POLA1: variants seen among roughly 807,000 people sequenced by gnomAD.
POLA1 encodes the protein DNA polymerase alpha catalytic subunit.
A neutral mutation model predicts 124.0 loss-of-function variants in POLA1; 15 were observed. The ratio of observed to expected loss-of-function variants is 0.12; its 90% CI spans 0.08 to 0.19. The LOEUF is 0.19. Ranked by LOEUF, POLA1 falls within the 10% of genes least tolerant of loss-of-function variation. The pLI is 1.00. For missense variants in POLA1, 886 were observed against 1,103.4 expected (o/e 0.80, Z 2.79); for synonymous variants, 408 against 389.4 (o/e 1.05, Z -0.56).
In POLA1 at chrX:24,821,534, G is replaced by A. The variant is rs754477977; in HGVS notation, c.3512G>A (p.Gly1171Glu). The A allele has an allele frequency of 8.3e-7, 1 of 1,199,635 alleles. No individual in the cohort carries two copies. Among genetic ancestry groups the A allele is most frequent in the Non-Finnish European group, 1.1e-6 (1 of 886,070 alleles). The change falls in exon 31 of 37, where the codon GGA (glycine) becomes GAA (glutamate). Residue 1171 changes from glycine to glutamate, a missense_variant. By Grantham distance (98) the Gly-to-Glu change is moderately conservative. Transcript: ENST00000379068. ...GTTGCCCTCTGGATAAATTCTCAAGGAGGCAGAAAGGTGAAAGCTGGAGAT... is the reference window on the plus strand; with the variant it reads ...GTTGCCCTCTGGATAAATTCTCAAGAAGGCAGAAAGGTGAAAGCTGGAGAT... Reference protein sequence around the residue: ...VHVALWINSQGGRKVKAGDTV... With the variant: ...VHVALWINSQEGRKVKAGDTV...
chrX:24,832,747 G>A (rs2046282716), intron 32 of POLA1, among the ~76,000 whole-genome samples: 1 of 111,855 alleles, frequency 8.9e-6, no homozygotes, highest in Non-Finnish European at 1.9e-5. Context: ...CACGTACACT[G>A]TATTATATAT....
chrX:24,922,097 A>G (rs1324543384), intron 35 of POLA1, among the ~76,000 whole-genome samples: 1 of 110,848 alleles, frequency 9.0e-6, no homozygotes, highest in Admixed American at 9.6e-5. Flanking sequence ...TTTTTGAGAC[A>G]GGATCTGTTT....
chrX:24,979,862 T>C (rs1002090049), intron 36 of POLA1, among the ~76,000 whole-genome samples: 2 of 112,010 alleles, frequency 1.8e-5, no homozygotes, highest in Non-Finnish European at 3.8e-5. Flanking sequence ...CCTCTGTGTT[T>C]AGGTGAAAAG....
rs1370486222 is a variant in POLA1 at position 24,723,278 on chromosome X, G to A, written c.1200+11G>A. The A allele has an allele frequency of 2.8e-6, 3 of 1,067,797 alleles. No homozygotes were observed. The highest frequency in any genetic ancestry group is 2.5e-4 in the Middle Eastern group (1 of 4,026). The allele number at this position is 1,067,797 out of a possible 1,213,427, so 88.0% of individuals were successfully genotyped here. A position where few individuals can be genotyped will look rare whatever the true frequency, so the allele number is the denominator to read the frequency against. ...CTTCCCCGTGAAATGGTAAACATTA[G>A]TGATTAGCTTTTAGTTCTCAGTCGT... On this transcript the variant is annotated intron_variant, in intron 11 of 36. Transcript: ENST00000379068.
At chrX:24,708,094 T>C (rs968309440) in intron 4 of POLA1, among the ~76,000 whole-genome samples, 1 of 112,029 alleles carries the variant, frequency 8.9e-6, no homozygotes, top group Admixed American at 9.4e-5. Flanking sequence ...GAATTCCACC[T>C]CAAATATTTA....
chrX:24,802,794 TC>T (rs1165923427), intron 26 of POLA1, among the ~76,000 whole-genome samples: 2 of 111,682 alleles, frequency 1.8e-5, no homozygotes, highest in Non-Finnish European at 3.8e-5. Context: ...GGTCGGGAGT[TC>T]CAGGCCAACC....
In POLA1 at chrX:24,809,882, CT is replaced by C; in HGVS notation, c.2965-12del. ...TAATTGTGTAACTTATTAATCTTGA[CT>C]TTTGTTTCATTTAGATTTTGATGCA... On this transcript the variant is annotated splice_polypyrimidine_tract_variant and intron_variant, in intron 26 of 36. Coordinates refer to ENST00000379068, the MANE Select transcript of POLA1 (RefSeq NM_001330360.2). The C allele has an allele frequency of 9.8e-7, 1 of 1,022,398 alleles. No homozygotes were observed. The highest frequency in any genetic ancestry group is 1.4e-6 in the Non-Finnish European group (1 of 738,608). 84.3% of individuals were successfully genotyped at this position (1,022,398 alleles called of 1,213,427 possible).
At chrX:24,931,556 A>T (rs1193549308) in intron 36 of POLA1, among the ~76,000 whole-genome samples, 1 of 112,090 alleles carries the variant, frequency 8.9e-6, no homozygotes, top group Non-Finnish European at 1.9e-5. Context: ...TTTACAACTG[A>T]TGGAGAAGCT....
chrX:24,909,574 T>C (rs1214077115), intron 35 of POLA1, among the ~76,000 whole-genome samples: 3 of 110,668 alleles, frequency 2.7e-5, no homozygotes, highest in African/African-American at 9.8e-5. Flanking sequence ...CTGAGGGCTC[T>C]GTTCTGTTCC....
chrX:24,712,943 C>T (rs527419882), intron 4 of POLA1, among the ~76,000 whole-genome samples: 4 of 111,725 alleles, frequency 3.6e-5, no homozygotes, highest in African/African-American at 1.3e-4. Context: ...TATGCCACTA[C>T]CACATTCTTA....
At position 24,741,490 on chromosome X, in the gene POLA1, G is replaced by T; in HGVS notation, c.2332G>T (p.Ala778Ser). Residue 778 changes from alanine to serine, a missense_variant, in exon 21 of 37, where the codon GCT becomes TCT. By Grantham distance (99) the Ala-to-Ser change is moderately conservative. This residue lies in a region of POLA1 where 182 missense variants were observed against 252.8 expected (regional missense o/e 0.72). Transcript: ENST00000379068. ...LPLALQITNIAGNIMSRTLMG... is the reference protein window; with the variant it reads ...LPLALQITNISGNIMSRTLMG... Reference sequence around the variant, plus strand: ...ATTAGCATTGCAGATCACTAACATCGCTGGGAACATTATGGTAAATTTAAC... The same window carrying T: ...ATTAGCATTGCAGATCACTAACATCTCTGGGAACATTATGGTAAATTTAAC... The T allele has an allele frequency of 1.7e-6, 2 of 1,204,430 alleles. No individual in the cohort carries two copies. The highest frequency in any genetic ancestry group is 2.2e-6 in the Non-Finnish European group (2 of 889,744).
intron 35 of POLA1, among the ~76,000 whole-genome samples, chrX:24,895,524 G>T (rs144437182): frequency 2.7e-5 from 3 of 112,327 alleles, no homozygotes; most frequent in Admixed American, 9.4e-5. Flanking sequence ...CTTGCATTTC[G>T]TGGGCTAGAA....
intron 36 of POLA1, among the ~76,000 whole-genome samples, chrX:24,968,997 A>G (rs758774251): frequency 9.0e-6 from 1 of 111,299 alleles, no homozygotes; most frequent in South Asian, 3.8e-4. Flanking sequence ...TCACGAGGTC[A>G]GGAGTTCTAG....
intron 23 of POLA1, 52 bp from the exon 24 acceptor site, chrX:24,745,366 T>G (rs1931945130): frequency 1.0e-6 from 1 of 960,200 alleles, no homozygotes; most frequent in Admixed American, 2.9e-5. Context: ...AATGATGTTT[T>G]GACAATTCTG....
At chrX:24,801,584 C>T (rs1038070316) in intron 26 of POLA1, among the ~76,000 whole-genome samples, 1 of 110,623 alleles carries the variant, frequency 9.0e-6, no homozygotes, top group African/African-American at 3.3e-5. Flanking sequence ...TAATATCATT[C>T]GGTTGGGGAG....
Position 24,815,077 on chromosome X carries a change from G to T in POLA1, c.3395G>T (p.Gly1132Val). 8.3e-7 allele frequency: 1 copy of T among 1,204,196 alleles called. No homozygotes were observed. Among genetic ancestry groups the T allele is most frequent in the South Asian group, 1.8e-5 (1 of 56,272 alleles). ...GAAATTGGAGAAAATGTGCTAAATGGCAGTGTCCCAGTGAGCCAGTTTGAA... is the reference window on the plus strand; with the variant it reads ...GAAATTGGAGAAAATGTGCTAAATGTCAGTGTCCCAGTGAGCCAGTTTGAA... ...LIEIGENVLN[G>V]SVPVSQFEIN... The change falls in exon 30 of 37, where the codon GGC (glycine) becomes GTC (valine). Residue 1132 changes from glycine (G) to valine (V), a missense_variant. Coordinates refer to ENST00000379068, the MANE Select transcript of POLA1 (RefSeq NM_001330360.2).
In POLA1 at chrX:24,705,665, G is replaced by A. The variant is rs1167789819; in HGVS notation, c.346+1196G>A. Among the ~76,000 whole-genome samples the A allele has an allele frequency of 2.7e-5, 3 of 110,690 alleles. No homozygotes were observed. In the Admixed American group the frequency reaches 2.9e-4, roughly 11 times the overall value. On this transcript the variant is annotated intron_variant, in intron 4 of 36. Coordinates refer to ENST00000379068, the MANE Select transcript of POLA1 (RefSeq NM_001330360.2). ...CCATTTTTGTTTTCATGTCTCTTTA[G>A]TCTTTTTTAGTGTAGAACAGCAACA...
chrX:24,730,088 C>T (rs917834347), intron 15 of POLA1, among the ~76,000 whole-genome samples: 1 of 110,181 alleles, frequency 9.1e-6, no homozygotes, highest in Non-Finnish European at 1.9e-5. Flanking sequence ...TGAGCCACTG[C>T]ACCCGGCGTG....
intron 36 of POLA1, among the ~76,000 whole-genome samples, chrX:24,948,290 C>G (rs956628197): frequency 1.5e-4 from 17 of 110,757 alleles, no homozygotes; most frequent in Admixed American, 1.9e-4. Flanking sequence ...AAGTATATGT[C>G]CAAAATAGAC....
Sources: allele counts gnomAD v4.1 joint callset (sites outside exome capture counted in the v4.1 genomes callset), GRCh38; gene constraint gnomAD v4.1.1; regional missense constraint gnomAD v4.1.1; transcripts MANE v1.5; gene names NCBI Gene and HGNC (gene_info 2026-07-23, HGNC 2026-07-21).